MARCHF1: variants seen among roughly 807,000 people sequenced by gnomAD.
The protein encoded by MARCHF1 is E3 ubiquitin-protein ligase MARCHF1.
Under a neutral mutation model 54.2 loss-of-function variants are expected in MARCHF1, and 40 were observed. That is an observed-to-expected ratio of 0.74 (90% CI 0.57 to 0.96). MARCHF1 has a LOEUF of 0.96. Among genes scored for constraint, MARCHF1 ranks in the 40% least tolerant of loss-of-function variants. The pLI, the probability that MARCHF1 is intolerant of heterozygous loss-of-function variation, is 0.00. For missense variants in MARCHF1, 586 were observed against 656.5 expected (o/e 0.89, Z 1.17); for synonymous variants, 236 against 236.3 (o/e 1.00, Z 0.01).
intron 3 of MARCHF1, among the ~76,000 whole-genome samples, chr4:163,956,213 T>C (rs1752230027): frequency 6.6e-6 from 1 of 152,130 alleles, no homozygotes. Context: ...TAATAGAAAG[T>C]TAAAAGAAAG....
Position 163,958,476 on chromosome 4 carries a change from C to CT in MARCHF1, c.-39+30024dup, listed in dbSNP as rs997164789. The stretch of plus-strand genomic sequence containing the variant: ...AGTTTTGTAAATGAATAAATGAATA[C>CT]TTTTTTTGTTACTTTTGACAAAGAA... On this transcript the variant is annotated intron_variant, in intron 3 of 9. Coordinates refer to ENST00000514618, the MANE Select transcript of MARCHF1 (RefSeq NM_001394959.1). Among the ~76,000 whole-genome samples, 103 of 151,912 alleles carry CT rather than the reference C, an allele frequency of 6.8e-4. 1 individual carries two copies. Among genetic ancestry groups the CT allele is most frequent in the African/African-American group, 2.4e-3 (98 of 41,478 alleles).
At position 163,526,248 on chromosome 4, in the gene MARCHF1, C is replaced by CTTTA. The variant is rs1738101093; in HGVS notation, c.*2496_*2499dup. On this transcript the variant is annotated 3_prime_UTR_variant, in exon 10 of 10. Transcript: ENST00000514618. ...AAAGTGTAGCCCTTAATAAATGAGG[C>CTTTA]TTTATTTTAGCCGATCATCCTCCAC... is the stretch of plus-strand genomic sequence containing the variant. The CTTTA allele has an allele frequency of 6.6e-6, 1 of 152,030 alleles. No homozygotes were observed. The highest frequency in any genetic ancestry group is 1.5e-5 in the Non-Finnish European group (1 of 67,952). 9.4% of individuals were successfully genotyped at this position (152,030 alleles called of 1,614,324 possible). A position where few individuals can be genotyped will look rare whatever the true frequency, so the allele number is the denominator to read the frequency against.
rs550749381 is a variant in MARCHF1 at position 163,887,443 on chromosome 4, T to C, written c.-38-33274A>G. Among the ~76,000 whole-genome samples the C allele has an allele frequency of 1.5e-4, 23 of 152,230 alleles. No homozygotes were observed. In the South Asian group the frequency reaches 4.8e-3, roughly 32 times the overall value. ...GAAAAGAGGCAAGTGTCCCAGAGTT[T>C]GCTACTCAGAGGGTGTTCAGGGACC... is the stretch of plus-strand genomic sequence containing the variant. On this transcript the variant is annotated intron_variant, in intron 3 of 9. Transcript: ENST00000514618.
intron 1 of MARCHF1, among the ~76,000 whole-genome samples, chr4:164,112,126 AATGAGG>A (rs970640303): frequency 3.3e-5 from 5 of 151,854 alleles, no homozygotes; most frequent in African/African-American, 1.2e-4. Context: ...TTTTGAACAT[AATGAGG>A]ATGAGTAAAA....
At chr4:163,950,105 C>G (rs890516031) in intron 3 of MARCHF1, among the ~76,000 whole-genome samples, 9 of 152,184 alleles carry the variant, frequency 5.9e-5, no homozygotes, top group African/African-American at 2.2e-4. Flanking sequence ...AGGCCAGGCC[C>G]AGCCTGAAGG....
In MARCHF1 at chr4:163,527,929, T is replaced by C. The variant is rs1224470759; in HGVS notation, c.*819A>G. The C allele has an allele frequency of 2.0e-5, 3 of 152,504 alleles. No individual in the cohort carries two copies. The highest frequency in any genetic ancestry group is 4.8e-5 in the African/African-American group (2 of 41,450). 9.4% of individuals were successfully genotyped at this position (152,504 alleles called of 1,614,324 possible). ...AAACATTTATTTTTACTTTTTAAAA[T>C]AGGGCTACTGGGAAGTTAAATATTT... On this transcript the variant is annotated 3_prime_UTR_variant, in exon 10 of 10. Coordinates refer to ENST00000514618, the MANE Select transcript of MARCHF1 (RefSeq NM_001394959.1).
At chr4:163,868,304 T>C (rs1444215391) in intron 3 of MARCHF1, among the ~76,000 whole-genome samples, 1 of 151,950 alleles carries the variant, frequency 6.6e-6, no homozygotes, top group Admixed American at 6.6e-5. Context: ...GCTGTCTACA[T>C]GAAAAATACA....
At chr4:163,799,910 A>G (rs1008049644) in intron 4 of MARCHF1, among the ~76,000 whole-genome samples, 4 of 152,172 alleles carry the variant, frequency 2.6e-5, no homozygotes, top group Non-Finnish European at 5.9e-5. Context: ...GGTGAACTAG[A>G]TAGAGAAAAT....
At chr4:163,919,606 A>G (rs1042882051) in intron 3 of MARCHF1, among the ~76,000 whole-genome samples, 11 of 152,068 alleles carry the variant, frequency 7.2e-5, no homozygotes, top group East Asian at 1.9e-4. Flanking sequence ...TAAAAGATAC[A>G]TTTTAAAGCA....
At chr4:163,533,696 T>TA (rs397738083) in intron 9 of MARCHF1, among the ~76,000 whole-genome samples, 9 of 146,974 alleles carry the variant, frequency 6.1e-5, no homozygotes, top group African/African-American at 2.2e-4. Flanking sequence ...TATATATATA[T>TA]TTATATATAT....
chr4:164,255,470 T>C (rs1244908907), intron 1 of MARCHF1, among the ~76,000 whole-genome samples: 1 of 151,204 alleles, frequency 6.6e-6, no homozygotes, highest in Non-Finnish European at 1.5e-5. Flanking sequence ...AGGTCCAAAT[T>C]CTTCAACAAC....
intron 5 of MARCHF1, among the ~76,000 whole-genome samples, chr4:163,635,360 TAAAAA>T (rs1043403833): frequency 2.0e-5 from 3 of 150,332 alleles, no homozygotes; most frequent in African/African-American, 7.3e-5. Flanking sequence ...GCAAGACTAA[TAAAAA>T]AAGATAGAAG....
At chr4:164,021,606 T>C (rs1377354985) in intron 2 of MARCHF1, among the ~76,000 whole-genome samples, 5 of 152,124 alleles carry the variant, frequency 3.3e-5, no homozygotes, top group Admixed American at 1.3e-4. Flanking sequence ...GTCCTTCTTA[T>C]AGAAGTTTTA....
intron 8 of MARCHF1, among the ~76,000 whole-genome samples, chr4:163,563,556 C>T (rs980950513): frequency 2.0e-5 from 3 of 152,154 alleles, no homozygotes; most frequent in African/African-American, 7.2e-5. Flanking sequence ...ACAGTGGCAG[C>T]GTAAGATCAT....
chr4:164,316,008 T>C (rs1350820748), intron 1 of MARCHF1, among the ~76,000 whole-genome samples: 1 of 152,130 alleles, frequency 6.6e-6, no homozygotes, highest in Non-Finnish European at 1.5e-5. Flanking sequence ...AATCTCTATC[T>C]AAAATTCCTA....
chr4:163,732,502 T>C (rs1745874079), intron 4 of MARCHF1, among the ~76,000 whole-genome samples: 1 of 152,048 alleles, frequency 6.6e-6, no homozygotes, highest in South Asian at 2.1e-4. Flanking sequence ...ATAAATACAT[T>C]GATACAAGAC....
At chr4:163,670,582 C>T (rs548749794) in intron 5 of MARCHF1, among the ~76,000 whole-genome samples, 85 of 149,928 alleles carry the variant, frequency 5.7e-4, no homozygotes, top group Middle Eastern at 3.4e-3. Context: ...GCTTTCTTTT[C>T]TTTTCTCTCT....
intron 9 of MARCHF1, among the ~76,000 whole-genome samples, chr4:163,537,452 T>G (rs1256201700): frequency 6.6e-6 from 1 of 152,176 alleles, no homozygotes; most frequent in Non-Finnish European, 1.5e-5. Context: ...ATCCTGCACT[T>G]CAAAATGCCG....
chr4:163,812,485 C>A (rs952524163), intron 4 of MARCHF1, among the ~76,000 whole-genome samples: 2 of 152,144 alleles, frequency 1.3e-5, no homozygotes, highest in African/African-American at 4.8e-5. Context: ...CAACGAGGCA[C>A]AGTGGCTCAC....
Sources: gnomAD v4.1 joint callset for allele counts (sites outside exome capture counted in the v4.1 genomes callset) on GRCh38, gnomAD v4.1.1 for gene constraint, MANE v1.5 for transcripts, NCBI Gene and HGNC (gene_info 2026-07-23, HGNC 2026-07-21) for gene names.